AKAP19: variants seen among roughly 807,000 people sequenced by gnomAD.
AKAP19 encodes small A-kinase anchoring protein.
chr2:190,038,932 T>TTCC, the AKAP19 span, among the ~76,000 whole-genome samples: 10 of 141,092 alleles, frequency 7.1e-5, no homozygotes, highest in African/African-American at 2.8e-4. Flanking sequence ...CTTCTTCTTC[T>TTCC]TCTTCTTCTT....
At chr2:189,968,438 C>T in the AKAP19 span, among the ~76,000 whole-genome samples, 1 of 152,068 alleles carries the variant, frequency 6.6e-6, no homozygotes, top group South Asian at 2.1e-4. Context: ...TGGCATCTCA[C>T]TATATTGCCC....
the AKAP19 span, among the ~76,000 whole-genome samples, chr2:190,018,215 C>T: frequency 6.6e-6 from 1 of 152,058 alleles, no homozygotes; most frequent in South Asian, 2.1e-4. Context: ...AAGTCTTCAG[C>T]CATTATTTAT....
the AKAP19 span, among the ~76,000 whole-genome samples, chr2:190,187,351 A>G: frequency 6.6e-6 from 1 of 152,016 alleles, no homozygotes; most frequent in African/African-American, 2.4e-5. Context: ...CCAGTGTTTA[A>G]GATGGACTTC....
At chr2:189,932,377 C>T in the AKAP19 span, among the ~76,000 whole-genome samples, 9 of 146,356 alleles carry the variant, frequency 6.1e-5, no homozygotes, top group African/African-American at 2.3e-4. Context: ...CATTGCACTC[C>T]AGCCTGGGCG....
chr2:190,019,272 G>C, the AKAP19 span, among the ~76,000 whole-genome samples: 6 of 152,110 alleles, frequency 3.9e-5, no homozygotes, highest in Non-Finnish European at 5.9e-5. Context: ...CTTCCTCTGG[G>C]AAGAGCTTGG....
chr2:190,190,998 G>A, the AKAP19 span, among the ~76,000 whole-genome samples: 3 of 152,058 alleles, frequency 2.0e-5, no homozygotes, highest in Non-Finnish European at 4.4e-5. Context: ...CCTTTTTCCA[G>A]AATGTCATAT....
At chr2:190,109,653 A>ATCCCCAC in the AKAP19 span, among the ~76,000 whole-genome samples, 1 of 152,100 alleles carries the variant, frequency 6.6e-6, no homozygotes, top group Non-Finnish European at 1.5e-5. Flanking sequence ...GAAGGAAATA[A>ATCCCCAC]TCCCCACTCA....
chr2:189,907,553 C>A, the AKAP19 span, among the ~76,000 whole-genome samples: 1 of 152,038 alleles, frequency 6.6e-6, no homozygotes, highest in African/African-American at 2.4e-5. Context: ...ACCTACAGTA[C>A]GTTTAATGGT....
the AKAP19 span, among the ~76,000 whole-genome samples, chr2:190,065,116 A>G: frequency 6.6e-6 from 1 of 151,996 alleles, no homozygotes; most frequent in Non-Finnish European, 1.5e-5. Flanking sequence ...TTTCCCGTCT[A>G]TTTAGTGCCA....
At chr2:190,191,188 A>G in the AKAP19 span, among the ~76,000 whole-genome samples, 1 of 152,014 alleles carries the variant, frequency 6.6e-6, no homozygotes, top group East Asian at 1.9e-4. Flanking sequence ...CCCAGGCTGG[A>G]GTGCAGTTGC....
chr2:189,954,812 C>T, the AKAP19 span, among the ~76,000 whole-genome samples: 2 of 152,118 alleles, frequency 1.3e-5, no homozygotes, highest in Admixed American at 1.3e-4. Context: ...CATCCTTGCT[C>T]AGAATTAGAC....
the AKAP19 span, among the ~76,000 whole-genome samples, chr2:190,086,522 T>C: frequency 2.0e-5 from 3 of 152,228 alleles, no homozygotes. Context: ...GGTTGCAGTC[T>C]ACACAATTTA....
the AKAP19 span, among the ~76,000 whole-genome samples, chr2:190,053,456 C>G: frequency 6.6e-6 from 1 of 152,168 alleles, no homozygotes; most frequent in Non-Finnish European, 1.5e-5. Context: ...TTTCCAAATA[C>G]TTCCTCTGCA....
At chr2:190,180,297 C>G in the AKAP19 span, among the ~76,000 whole-genome samples, 4 of 152,308 alleles carry the variant, frequency 2.6e-5, no homozygotes, top group African/African-American at 9.6e-5. This position sits in a 1 kb window ranked among gnomAD's most constrained non-coding sequence, Gnocchi z 6.8. Context: ...CGCGGCCAGG[C>G]TGCGGGGCCC....
the AKAP19 span, among the ~76,000 whole-genome samples, chr2:190,176,788 G>A: frequency 0.01 from 1,595 of 152,282 alleles, 19 homozygotes; most frequent in Non-Finnish European, 0.015. This position sits in a 1 kb window ranked among gnomAD's most constrained non-coding sequence, Gnocchi z 4.7. Flanking sequence ...GCCTTAATTA[G>A]GGTCTGACAT....
the AKAP19 span, among the ~76,000 whole-genome samples, chr2:190,194,896 A>G: frequency 6.6e-6 from 1 of 152,142 alleles, no homozygotes; most frequent in Admixed American, 6.6e-5. Flanking sequence ...TCAGTCACCC[A>G]GGCTGGAGTG....
chr2:190,009,690 A>G, the AKAP19 span, among the ~76,000 whole-genome samples: 3 of 152,178 alleles, frequency 2.0e-5, no homozygotes, highest in African/African-American at 4.8e-5. Flanking sequence ...TAAGCTGGCA[A>G]TTTAAATTTG....
chr2:190,166,420 T>C, the AKAP19 span, among the ~76,000 whole-genome samples: 1 of 143,246 alleles, frequency 7.0e-6, no homozygotes, highest in Non-Finnish European at 1.5e-5. Context: ...ATAAATGGAG[T>C]GCTTTCCAAC....
chr2:190,199,084 A>T, the AKAP19 span, among the ~76,000 whole-genome samples: 1 of 152,220 alleles, frequency 6.6e-6, no homozygotes, highest in African/African-American at 2.4e-5. Context: ...TTTGAGTTGT[A>T]AATATGTGAC....
Sources: gnomAD v4.1 joint callset for allele counts (sites outside exome capture counted in the v4.1 genomes callset) on GRCh38, gnomAD v4.1.1 for gene constraint, Gnocchi (gnomAD v3.1) non-coding constraint, MANE v1.5 for transcripts, NCBI Gene and HGNC (gene_info 2026-07-23, HGNC 2026-07-21) for gene names.